RPS6KA5: variants seen among roughly 807,000 people sequenced by gnomAD.
The protein encoded by RPS6KA5 is ribosomal protein S6 kinase A5, also known as ribosomal protein S6 kinase alpha-5.
A neutral mutation model predicts 85.5 loss-of-function variants in RPS6KA5; 27 were observed. The observed-to-expected ratio is 0.32, with a 90% CI of 0.23 to 0.44. The LOEUF (loss-of-function observed/expected upper bound fraction) is 0.44. Ranked by LOEUF, RPS6KA5 falls within the 20% of genes least tolerant of loss-of-function variation. The pLI, the probability that RPS6KA5 is intolerant of heterozygous loss-of-function variation, is 1.00. For missense variants in RPS6KA5, 811 were observed against 980.9 expected, an observed-to-expected ratio of 0.83 and a Z score of 2.31; for synonymous variants, 334 against 348.2, an observed-to-expected ratio of 0.96 and a Z score of 0.46.
At chr14:90,906,346 A>C in intron 7 of RPS6KA5, 47 bp from the exon 8 acceptor site, 4 of 1,480,998 alleles carry the variant, frequency 2.7e-6, no homozygotes, top group Non-Finnish European at 3.6e-6. Flanking sequence ...GATGACAAAA[A>C]AAAAAAAAAG....
chr14:90,870,601 A>T lies in RPS6KA5; in HGVS notation c.*1473T>A, dbSNP rs2033034880. ...TTGAAATTAATGCTGCTATAACCTCAAGAAAGGAATAAATAAATATCATGT... is the reference window on the plus strand; with the variant it reads ...TTGAAATTAATGCTGCTATAACCTCTAGAAAGGAATAAATAAATATCATGT... On this transcript the variant is annotated 3_prime_UTR_variant, in exon 17 of 17. Coordinates refer to ENST00000614987, the MANE Select transcript of RPS6KA5 (RefSeq NM_004755.4). 1 of 152,100 alleles carries T rather than the reference A, an allele frequency of 6.6e-6. No homozygotes were observed. The highest frequency in any genetic ancestry group is 2.4e-5 in the African/African-American group (1 of 41,440). 9.4% of individuals were successfully genotyped at this position (152,100 alleles called of 1,614,324 possible).
rs2033154848 is a variant in RPS6KA5 at position 90,872,135 on chromosome 14, C to T, written c.2348G>A (p.Ser783Asn). The T allele has an allele frequency of 6.2e-7, 1 of 1,613,686 alleles. No individual in the cohort carries two copies. Among genetic ancestry groups the T allele is most frequent in the Admixed American group, 1.7e-5 (1 of 59,952 alleles). Reference sequence around the variant, plus strand: ...CGGGTTATTGCTGTCGGCAGGATTGCTGGGCTGCAGTGTCTTGGTGGGTGT... The same window carrying T: ...CGGGTTATTGCTGTCGGCAGGATTGTTGGGCTGCAGTGTCTTGGTGGGTGT... ...KTTPTKTLQP[S>N]NPADSNNPET... The change falls in exon 17 of 17, where the codon AGC (serine) becomes AAC (asparagine). Residue 783 changes from serine to asparagine, a missense_variant. Transcript: ENST00000614987.
rs113761572 is a variant in RPS6KA5 at position 90,977,385 on chromosome 14, A to C, written c.394+921T>G. On this transcript the variant is annotated intron_variant, in intron 3 of 16. Transcript: ENST00000614987. Reference sequence around the variant, plus strand: ...ACAGAAGATGGTGGAACTTTTCTGCAAAGCAGTCTGGGAATGTGTGTGAGG... The same window carrying C: ...ACAGAAGATGGTGGAACTTTTCTGCCAAGCAGTCTGGGAATGTGTGTGAGG... Among the ~76,000 whole-genome samples, 525 of 152,336 alleles carry C rather than the reference A, an allele frequency of 3.4e-3. 2 individuals carry two copies. Among genetic ancestry groups the C allele is most frequent in the African/African-American group, 0.012 (480 of 41,576 alleles).
At chr14:90,917,088 G>A (rs2036157818) in intron 7 of RPS6KA5, among the ~76,000 whole-genome samples, 1 of 152,160 alleles carries the variant, frequency 6.6e-6, no homozygotes, top group South Asian at 2.1e-4. Flanking sequence ...CTGTCACCAT[G>A]ACAGGTATGA....
intron 5 of RPS6KA5, among the ~76,000 whole-genome samples, chr14:90,942,563 C>A (rs893499674): frequency 3.9e-5 from 6 of 152,130 alleles, no homozygotes; most frequent in Admixed American, 2.6e-4. Flanking sequence ...AATGTAAAAT[C>A]TGCACATTAG....
intron 7 of RPS6KA5, among the ~76,000 whole-genome samples, chr14:90,914,866 T>C (rs985296301): frequency 1.3e-5 from 2 of 152,212 alleles, no homozygotes; most frequent in African/African-American, 4.8e-5. Context: ...TTGCCTCGTG[T>C]AGACGAATGT....
At chr14:90,943,333 G>A (rs541753529) in intron 4 of RPS6KA5, 148 bp from the exon 5 acceptor site, 16 of 562,414 alleles carry the variant, frequency 2.8e-5, no homozygotes, top group African/African-American at 3.8e-5. Flanking sequence ...GATTGGTCAG[G>A]GAAAATGGAA....
In RPS6KA5 at chr14:91,026,953, G is replaced by A. The variant is rs118137248; in HGVS notation, c.104-25794C>T. Among the ~76,000 whole-genome samples, 40 of 152,158 alleles carry A rather than the reference G, an allele frequency of 2.6e-4. No homozygotes were observed. In the East Asian group the frequency reaches 6.6e-3, roughly 25 times the overall value. On this transcript the variant is annotated intron_variant, in intron 1 of 16. Transcript: ENST00000614987. The stretch of plus-strand genomic sequence containing the variant: ...AGAAGCGTCTGTTCATGTGTTTTCC[G>A]CACTTTTTAATAGGGTTATTTGTTG...
intron 3 of RPS6KA5, among the ~76,000 whole-genome samples, chr14:90,967,404 ATAAC>A (rs199575470): frequency 0.012 from 1,865 of 152,314 alleles, 34 homozygotes; most frequent in African/African-American, 0.043. Context: ...TTGTTAAATA[ATAAC>A]TAATAGCTCC....
chr14:90,955,934 CTG>C (rs1323984597), intron 3 of RPS6KA5, among the ~76,000 whole-genome samples: 1 of 152,140 alleles, frequency 6.6e-6, no homozygotes, highest in Non-Finnish European at 1.5e-5. Context: ...CCCTTGATCT[CTG>C]TGGGTTCTGC....
chr14:90,963,395 T>C (rs1234380735), intron 3 of RPS6KA5, among the ~76,000 whole-genome samples: 1 of 152,178 alleles, frequency 6.6e-6, no homozygotes, highest in Non-Finnish European at 1.5e-5. Context: ...TTTCCCTTTA[T>C]AATTAACTGG....
At chr14:90,961,082 TAA>T (rs1257715827) in intron 3 of RPS6KA5, among the ~76,000 whole-genome samples, 1 of 152,148 alleles carries the variant, frequency 6.6e-6, no homozygotes, top group East Asian at 1.9e-4. Flanking sequence ...TGGCCCTCCT[TAA>T]AAGTTTGTAT....
At chr14:90,976,672 G>C (rs1171748299) in intron 3 of RPS6KA5, among the ~76,000 whole-genome samples, 1 of 152,116 alleles carries the variant, frequency 6.6e-6, no homozygotes, top group Non-Finnish European at 1.5e-5. Flanking sequence ...GATACACACA[G>C]GAGGCAGAAT....
At chr14:90,949,697 C>T (rs1430237918) in intron 3 of RPS6KA5, among the ~76,000 whole-genome samples, 1 of 152,200 alleles carries the variant, frequency 6.6e-6, no homozygotes, top group African/African-American at 2.4e-5. Flanking sequence ...TAGACAATGG[C>T]TCCACAGCTG....
chr14:91,031,848 AG>A (rs1431052061), intron 1 of RPS6KA5, among the ~76,000 whole-genome samples: 1 of 152,228 alleles, frequency 6.6e-6, no homozygotes, highest in Non-Finnish European at 1.5e-5. Flanking sequence ...GAAATAAAAC[AG>A]GTCTAAAATT....
rs2032739521 is a variant in RPS6KA5, at chr14:90,865,019, T to C, written c.*7055A>G. The C allele has an allele frequency of 6.6e-6, 1 of 152,218 alleles. No individual in the cohort carries two copies. Among genetic ancestry groups the C allele is most frequent in the African/African-American group, 2.4e-5 (1 of 41,450 alleles). The allele number at this position is 152,218 out of a possible 1,614,324, so 9.4% of individuals were successfully genotyped here. A position where few individuals can be genotyped will look rare whatever the true frequency, so the allele number is the denominator to read the frequency against. ...TTTGGTAATATCTTCTACAGCTAAA[T>C]ATATATTCATCTTATGACTCAGTAG... On this transcript the variant is annotated 3_prime_UTR_variant, in exon 17 of 17. Transcript: ENST00000614987.
In RPS6KA5 at chr14:90,890,615, G is replaced by T; in HGVS notation, c.1708C>A (p.Arg570=). 1 of 1,614,074 alleles carries T rather than the reference G, an allele frequency of 6.2e-7. No homozygotes were observed. Among genetic ancestry groups the T allele is most frequent in the Non-Finnish European group, 8.5e-7 (1 of 1,179,968 alleles). ...EIKIIDFGFA[R]LKPPDNQPLK... ...GGCTGATTATCCGGTGGCTTTAGCC[G>T]TGCAAATCCAAAATCAATTATTTTA... Residue 570 remains arginine, a synonymous_variant, in exon 14 of 17, where the codon CGG becomes AGG. Coordinates refer to ENST00000614987, the MANE Select transcript of RPS6KA5 (RefSeq NM_004755.4).
chr14:90,920,099 T>C, intron 7 of RPS6KA5, 107 bp downstream of exon 7: 1 of 777,212 alleles, frequency 1.3e-6, no homozygotes, highest in African/African-American at 1.7e-5. Flanking sequence ...AACATCACTT[T>C]GTCTATCCTC....
At chr14:90,940,912 T>A (rs1177913517) in intron 5 of RPS6KA5, among the ~76,000 whole-genome samples, 2 of 152,184 alleles carry the variant, frequency 1.3e-5, no homozygotes, top group Non-Finnish European at 2.9e-5. Context: ...GTAATGTGCT[T>A]GAATCATCCC....
Sources: allele counts gnomAD v4.1 joint callset (sites outside exome capture counted in the v4.1 genomes callset), GRCh38; gene constraint gnomAD v4.1.1; transcripts MANE v1.5; gene names NCBI Gene and HGNC (gene_info 2026-07-23, HGNC 2026-07-21).